Variants in C3orf49 observed in about 807,000 individuals in gnomAD.
The protein encoded by C3orf49 is chromosome 3 open reading frame 49.
Under a neutral mutation model 13.3 loss-of-function variants are expected in C3orf49, and 27 were observed. That is an observed-to-expected ratio of 2.02 (90% confidence interval 1.49 to 2.79). The LOEUF is 2.79. Ranked by LOEUF, C3orf49 falls within the 30% of genes most tolerant of loss-of-function variation. The pLI, the probability that C3orf49 is intolerant of heterozygous loss-of-function variation, is 0.00. For missense variants in C3orf49, 242 were observed against 134.2 expected, an observed-to-expected ratio of 1.80 and a Z score of -3.97; for synonymous variants, 87 against 47.6, an observed-to-expected ratio of 1.83 and a Z score of -3.40.
the C3orf49 span, among the ~76,000 whole-genome samples, chr3:63,809,733 C>T: frequency 6.6e-6 from 1 of 152,202 alleles, no homozygotes. Flanking sequence ...AGAGACTTTG[C>T]TCTGATCATT....
chr3:63,829,317 G>C (rs186548180), intron 3 of C3orf49, among the ~76,000 whole-genome samples: 1 of 152,256 alleles, frequency 6.6e-6, no homozygotes, highest in East Asian at 1.9e-4. Flanking sequence ...TACAGCAGTG[G>C]GGTAAGGATA....
the C3orf49 span, among the ~76,000 whole-genome samples, chr3:63,804,173 G>C: frequency 6.6e-6 from 1 of 152,124 alleles, no homozygotes; most frequent in Admixed American, 6.6e-5. Context: ...CCCACCTTCT[G>C]TTGTGTGGCC....
chr3:63,836,272 T>C (rs756294946), intron 5 of C3orf49: 13 of 1,605,304 alleles, frequency 8.1e-6, no homozygotes, highest in Non-Finnish European at 1.1e-5. Flanking sequence ...TAAAGGTTAG[T>C]TCCTTTCAAA....
upstream of C3orf49, among the ~76,000 whole-genome samples, chr3:63,818,078 G>C (rs1701344893): frequency 6.6e-6 from 1 of 152,142 alleles, no homozygotes; most frequent in Non-Finnish European, 1.5e-5. Flanking sequence ...TATTAGATAT[G>C]CTCTACTTCA....
chr3:63,787,905 C>T, the C3orf49 span, among the ~76,000 whole-genome samples: 37 of 152,308 alleles, frequency 2.4e-4, no homozygotes, highest in Admixed American at 4.6e-4. Context: ...TCTGGATGGA[C>T]TTATCCACAG....
At chr3:63,823,199 C>A in intron 1 of C3orf49, 51 bp from the exon 2 acceptor site, 1 of 592,744 alleles carries the variant, frequency 1.7e-6, no homozygotes, top group South Asian at 2.1e-5. Flanking sequence ...TTAAATTTTT[C>A]ACTTTTAACT....
chr3:63,846,282 C>T (rs751875506), intron 6 of C3orf49: 1 of 429,072 alleles, frequency 2.3e-6, no homozygotes, highest in Admixed American at 2.6e-5. Context: ...AGATAATCCC[C>T]AAGCGACTTG....
At chr3:63,814,384 T>G (rs1356314389), upstream of C3orf49, among the ~76,000 whole-genome samples, 1 of 149,900 alleles carries the variant, frequency 6.7e-6, no homozygotes, top group African/African-American at 2.4e-5. Flanking sequence ...CCCCACCCAC[T>G]GCTTCTCACA....
At chr3:63,847,570 C>T (rs1420017737) in intron 6 of C3orf49, among the ~76,000 whole-genome samples, 1 of 152,098 alleles carries the variant, frequency 6.6e-6, no homozygotes, top group Middle Eastern at 3.2e-3. Flanking sequence ...AACCCTGTTT[C>T]TACCAAAAAT....
chr3:63,830,983 A>C, intron 3 of C3orf49, 127 bp from the exon 4 acceptor site: 2 of 584,238 alleles, frequency 3.4e-6, no homozygotes, highest in Non-Finnish European at 6.1e-6. Flanking sequence ...CTGCAATCCA[A>C]TATTGTTATG....
chr3:63,799,872 C>T, the C3orf49 span, among the ~76,000 whole-genome samples: 1 of 152,042 alleles, frequency 6.6e-6, no homozygotes, highest in Non-Finnish European at 1.5e-5. Flanking sequence ...AACCTGAGGA[C>T]GAGACCTAGA....
chr3:63,805,936 T>G, the C3orf49 span, among the ~76,000 whole-genome samples: 2 of 152,234 alleles, frequency 1.3e-5, no homozygotes, highest in Non-Finnish European at 2.9e-5. Context: ...CTTTTTTCAT[T>G]TGTTTTGGTT....
At chr3:63,805,309 A>G in the C3orf49 span, among the ~76,000 whole-genome samples, 1 of 152,338 alleles carries the variant, frequency 6.6e-6, no homozygotes, top group Middle Eastern at 3.4e-3. Context: ...GTATTTTAAA[A>G]CCACAAAGGA....
At chr3:63,802,116 T>C in the C3orf49 span, among the ~76,000 whole-genome samples, 4 of 152,198 alleles carry the variant, frequency 2.6e-5, no homozygotes, top group African/African-American at 9.7e-5. Context: ...ACCCCACTTA[T>C]GTTGCTCAAT....
At chr3:63,792,753 C>G in the C3orf49 span, among the ~76,000 whole-genome samples, 2 of 152,206 alleles carry the variant, frequency 1.3e-5, no homozygotes, top group African/African-American at 4.8e-5. Flanking sequence ...TAAAAGACAA[C>G]CATTCCCTTG....
upstream of C3orf49, among the ~76,000 whole-genome samples, chr3:63,814,648 G>T (rs541867548): frequency 6.6e-6 from 1 of 151,994 alleles, no homozygotes; most frequent in Non-Finnish European, 1.5e-5. Flanking sequence ...GATCACACAG[G>T]GATAGCTCCA....
upstream of C3orf49, among the ~76,000 whole-genome samples, chr3:63,814,364 C>T (rs993357551): frequency 6.6e-6 from 1 of 151,948 alleles, no homozygotes; most frequent in Non-Finnish European, 1.5e-5. Flanking sequence ...TCCCACCCCT[C>T]CCTTTTACAC....
chr3:63,790,598 CTTTTT>C, the C3orf49 span, among the ~76,000 whole-genome samples: 7 of 137,724 alleles, frequency 5.1e-5, no homozygotes, highest in Non-Finnish European at 6.3e-5. Context: ...ACATCTACCT[CTTTTT>C]TTTTTTTTTT....
At chr3:63,821,774 C>T (rs561932850) in intron 1 of C3orf49, among the ~76,000 whole-genome samples, 3 of 151,986 alleles carry the variant, frequency 2.0e-5, no homozygotes, top group African/African-American at 7.2e-5. Flanking sequence ...AAGACAGATT[C>T]GTAGATGCCG....
Sources: allele counts gnomAD v4.1 joint callset (sites outside exome capture counted in the v4.1 genomes callset), GRCh38; gene constraint gnomAD v4.1.1; transcripts MANE v1.5; gene names NCBI Gene and HGNC (gene_info 2026-07-23, HGNC 2026-07-21).